Variants in AGBL1 observed in about 807,000 individuals in gnomAD.
AGBL1 encodes the protein cytosolic carboxypeptidase 4.
AGBL1 carries 130 observed loss-of-function variants against 118.9 expected under a neutral mutation model. That is an observed-to-expected ratio of 1.09 (90% CI 0.95 to 1.26). The LOEUF is 1.26. Ranked by LOEUF, AGBL1 falls within the 50% of genes most tolerant of loss-of-function variation. The pLI, the probability that AGBL1 is intolerant of heterozygous loss-of-function variation, is 0.00. For missense variants in AGBL1, 1,584 were observed against 1,298.1 expected (o/e 1.22, Z -3.38); for synonymous variants, 555 against 478.9 (o/e 1.16, Z -2.08).
chr15:86,719,621 C>G (rs1270900192), intron 22 of AGBL1, among the ~76,000 whole-genome samples: 1 of 152,110 alleles, frequency 6.6e-6, no homozygotes, highest in Non-Finnish European at 1.5e-5. Flanking sequence ...CCTTTTCCTC[C>G]CCTTGCCTTC....
chr15:86,299,101 C>A (rs1404421322), intron 17 of AGBL1, among the ~76,000 whole-genome samples: 8 of 152,172 alleles, frequency 5.3e-5, no homozygotes, highest in Non-Finnish European at 4.4e-5. Context: ...CAGCTGTGTA[C>A]TTTATCACTA....
chr15:86,457,003 C>T (rs2082268724), intron 18 of AGBL1, among the ~76,000 whole-genome samples: 1 of 152,092 alleles, frequency 6.6e-6, no homozygotes, highest in African/African-American at 2.4e-5. Context: ...AGAGAAAGAA[C>T]ACACCGCTAT....
chr15:86,515,193 C>G (rs2083105306), intron 18 of AGBL1, among the ~76,000 whole-genome samples: 1 of 152,156 alleles, frequency 6.6e-6, no homozygotes, highest in African/African-American at 2.4e-5. Flanking sequence ...CTGAATAATA[C>G]CTCTTGTCTA....
intron 1 of AGBL1, among the ~76,000 whole-genome samples, chr15:86,105,929 A>G (rs906754664): frequency 1.3e-5 from 2 of 152,246 alleles, no homozygotes; most frequent in Non-Finnish European, 2.9e-5. Context: ...CTGGAATTAC[A>G]CTAGTATTTC....
At chr15:86,135,910 T>C (rs557948304) in intron 1 of AGBL1, among the ~76,000 whole-genome samples, 1 of 152,322 alleles carries the variant, frequency 6.6e-6, no homozygotes, top group East Asian at 1.9e-4. Flanking sequence ...ACCCGGTTCA[T>C]GTGGAATACT....
chr15:86,709,180 C>G (rs1255830899), intron 22 of AGBL1, among the ~76,000 whole-genome samples: 1 of 152,154 alleles, frequency 6.6e-6, no homozygotes, highest in Admixed American at 6.6e-5. Context: ...TTGTACTCAT[C>G]ATCTGAAGAC....
At chr15:86,428,727 A>G (rs16977086) in intron 18 of AGBL1, among the ~76,000 whole-genome samples, 6,615 of 152,292 alleles carry the variant, frequency 0.043, 231 homozygotes, top group East Asian at 0.15. Flanking sequence ...AGAATATCTG[A>G]AGGTCATTAA....
chr15:86,118,853 C>G (rs1258402513), intron 1 of AGBL1, among the ~76,000 whole-genome samples: 3 of 152,160 alleles, frequency 2.0e-5, no homozygotes, highest in Non-Finnish European at 4.4e-5. Context: ...GAAAAAGTGT[C>G]TCTTGGCATA....
chr15:87,002,734 G>C (rs1310690157), intron 24 of AGBL1, among the ~76,000 whole-genome samples: 1 of 152,106 alleles, frequency 6.6e-6, no homozygotes, highest in Non-Finnish European at 1.5e-5. Context: ...TATTCTCTTT[G>C]AAGCATTTGT....
intron 17 of AGBL1, among the ~76,000 whole-genome samples, chr15:86,368,827 T>C (rs1187458268): frequency 6.6e-6 from 1 of 152,218 alleles, no homozygotes; most frequent in African/African-American, 2.4e-5. Context: ...AAGATTTGTC[T>C]TTCAAAAGTG....
chr15:86,835,550 A>G (rs1433121378), intron 22 of AGBL1, among the ~76,000 whole-genome samples: 2 of 152,152 alleles, frequency 1.3e-5, no homozygotes, highest in Non-Finnish European at 2.9e-5. Context: ...AGAGATGTCT[A>G]TGGTGTTTCT....
chr15:86,340,999 A>T (rs537013353), intron 17 of AGBL1, among the ~76,000 whole-genome samples: 5 of 152,258 alleles, frequency 3.3e-5, no homozygotes, highest in Admixed American at 2.6e-4. Flanking sequence ...GGCTCCTCTG[A>T]TACCACCCCA....
intron 18 of AGBL1, among the ~76,000 whole-genome samples, chr15:86,510,351 G>GTAA (rs150425715): frequency 0.42 from 64,354 of 151,444 alleles, 14,938 homozygotes; most frequent in East Asian, 0.68. Context: ...ATTCCTTCAT[G>GTAA]GCCTGCAAAG....
At chr15:86,085,533 T>A (rs1183988940) in intron 1 of AGBL1, among the ~76,000 whole-genome samples, 1 of 152,172 alleles carries the variant, frequency 6.6e-6, no homozygotes, top group Non-Finnish European at 1.5e-5. Context: ...CTAGGAACAT[T>A]GGACATGACT....
intron 5 of AGBL1, among the ~76,000 whole-genome samples, chr15:86,202,050 T>G (rs147650540): frequency 1.3e-5 from 2 of 152,050 alleles, no homozygotes; most frequent in African/African-American, 4.8e-5. Flanking sequence ...TCCCAGCACT[T>G]TGGGAGACCA....
At chr15:86,203,852 T>C (rs985454809) in intron 5 of AGBL1, among the ~76,000 whole-genome samples, 1 of 152,242 alleles carries the variant, frequency 6.6e-6, no homozygotes, top group Non-Finnish European at 1.5e-5. Flanking sequence ...TCCCTGTCTC[T>C]CATCTTATTC....
intron 22 of AGBL1, among the ~76,000 whole-genome samples, chr15:86,764,933 T>C (rs139722694): frequency 1.1e-3 from 175 of 152,174 alleles, no homozygotes; most frequent in Admixed American, 1.7e-3. Flanking sequence ...TCCTCTGTAA[T>C]CCATTGCTCT....
chr15:86,886,896 GA>G (rs2079978396), intron 22 of AGBL1, among the ~76,000 whole-genome samples: 1 of 152,100 alleles, frequency 6.6e-6, no homozygotes, highest in Non-Finnish European at 1.5e-5. Context: ...AAGTAAAGAC[GA>G]GGTTTTGGAA....
At chr15:86,234,681 CTG>C (rs1288668636) in intron 6 of AGBL1, among the ~76,000 whole-genome samples, 1 of 151,914 alleles carries the variant, frequency 6.6e-6, no homozygotes, top group Non-Finnish European at 1.5e-5. Flanking sequence ...CTTAATGACT[CTG>C]TGCTACACTT....
Sources: allele counts gnomAD v4.1 joint callset (sites outside exome capture counted in the v4.1 genomes callset), GRCh38; gene constraint gnomAD v4.1.1; transcripts MANE v1.5; gene names NCBI Gene and HGNC (gene_info 2026-07-23, HGNC 2026-07-21).